Variants in CR2 observed in about 807,000 individuals in gnomAD.
CR2 encodes the protein complement receptor type 2.
In CR2, 96 loss-of-function variants were observed where a neutral mutation model predicts 123.0. That is an observed-to-expected ratio of 0.78 (90% CI 0.66 to 0.93). The LOEUF (loss-of-function observed/expected upper bound fraction) is 0.93. Among genes scored for constraint, CR2 ranks in the 40% least tolerant of loss-of-function variants. The probability of loss-of-function intolerance (pLI) is 0.00; values close to 1 mark genes in which losing one functional copy is unlikely to be tolerated. For synonymous variants in CR2, 484 were observed against 469.5 expected, an observed-to-expected ratio of 1.03 and a Z score of -0.40; for missense variants, 1,258 against 1,361.0, an observed-to-expected ratio of 0.92 and a Z score of 1.19.
At position 207,469,207 on chromosome 1, in the gene CR2, T is replaced by C; in HGVS notation, c.792T>C (p.Ala264=). The C allele has an allele frequency of 6.2e-7, 1 of 1,613,912 alleles. No individual in the cohort carries two copies. Among genetic ancestry groups the C allele is most frequent in the Non-Finnish European group, 8.5e-7 (1 of 1,179,828 alleles). ...GTGTAATTGCTGGACAGGGAGTTGC[T>C]TGGACCAAAATGCCAGTATGTGAAG... The part of the protein sequence containing the change: ...SRCVIAGQGV[A]WTKMPVCEEI... The change falls in exon 5 of 20, where the codon GCT becomes GCC. Residue 264 remains alanine (A), a synonymous_variant. Coordinates refer to ENST00000367057, the MANE Select transcript of CR2 (RefSeq NM_001006658.3).
chr1:207,455,797 A>C (rs1657818267), intron 1 of CR2, among the ~76,000 whole-genome samples: 1 of 152,264 alleles, frequency 6.6e-6, no homozygotes, highest in African/African-American at 2.4e-5. Flanking sequence ...ATTCTTCACC[A>C]GTCCTGCCAA....
At chr1:207,470,645 T>A (rs1658243644) in intron 6 of CR2, 95 bp from the exon 7 acceptor site, 2 of 1,218,598 alleles carry the variant, frequency 1.6e-6, no homozygotes, top group South Asian at 2.5e-5. Flanking sequence ...GACGCCAGAG[T>A]GGAATTATAG....
rs750238787 is a variant in CR2, at chr1:207,454,457, C to CG, written c.40dup (p.Val14GlyfsTer22). ...GCCTGCTCGGGGTTTTCTTGGCTCT[C>CG]GTCGCACCGGGGGTCCTCGGTGAGC... On this transcript the variant is annotated frameshift_variant, in exon 1 of 20. Transcript: ENST00000367057. LOFTEE classifies it high-confidence loss of function. This position sits in a 1 kb window ranked among gnomAD's most constrained non-coding sequence, Gnocchi z 4.3. 1 of 1,579,654 alleles carries CG rather than the reference C, an allele frequency of 6.3e-7. No homozygotes were observed. Among genetic ancestry groups the CG allele is most frequent in the Non-Finnish European group, 8.6e-7 (1 of 1,168,916 alleles).
rs751574877 is a variant in CR2, at chr1:207,466,734, T to G, written c.267T>G (p.Ser89=). ...APKCEYFNKY[S]SCPEPIVPGG... ...AATGTGAATATTTCAATAAATATTC[T>G]TCTTGCCCTGAGCCCATAGTACCAG... The change falls in exon 2 of 20, where the codon TCT becomes TCG. Residue 89 remains serine, a synonymous_variant. Coordinates refer to ENST00000367057, the MANE Select transcript of CR2 (RefSeq NM_001006658.3). The G allele has an allele frequency of 7.4e-6, 12 of 1,613,960 alleles. No homozygotes were observed. The East Asian group carries it at 1.8e-4, about 24-fold the overall frequency.
chr1:207,454,498 G>T lies in CR2; in HGVS notation c.58+22G>T. 6.6e-7 allele frequency: 1 copy of T among 1,518,180 alleles called. No homozygotes were observed. The highest frequency in any genetic ancestry group is 8.9e-7 in the Non-Finnish European group (1 of 1,129,022). 94.0% of individuals were successfully genotyped at this position (1,518,180 alleles called of 1,614,324 possible). A position where few individuals can be genotyped will look rare whatever the true frequency, so the allele number is the denominator to read the frequency against. On this transcript the variant is annotated intron_variant, in intron 1 of 19. Transcript: ENST00000367057. The surrounding 1 kb of genome is among the most constrained non-coding windows in gnomAD (Gnocchi z 4.3). Reference sequence around the variant, plus strand: ...CTCGGTGAGCTGGGAGGGGGAGCACGGAGGTGGGGACGCGTCCCGGGCAGG... The same window carrying T: ...CTCGGTGAGCTGGGAGGGGGAGCACTGAGGTGGGGACGCGTCCCGGGCAGG...
rs1217284402 is a variant in CR2, at chr1:207,469,951, A to G, written c.1074A>G (p.Arg358=). Residue 358 remains arginine (R), a synonymous_variant, in exon 6 of 20, where the codon AGA becomes AGG. Coordinates refer to ENST00000367057, the MANE Select transcript of CR2 (RefSeq NM_001006658.3). ...AVQCPHPQIL[R]GRMVSGQKDR... is the part of the protein sequence containing the mutation. ...AGTGTCCACATCCCCAGATCCTAAGAGGCCGAATGGTATCTGGGCAGAAAG... is the reference window on the plus strand; with the variant it reads ...AGTGTCCACATCCCCAGATCCTAAGGGGCCGAATGGTATCTGGGCAGAAAG... 2 of 1,613,960 alleles carry G rather than the reference A, an allele frequency of 1.2e-6. No homozygotes were observed.
At chr1:207,482,485 C>G (rs145927056) in intron 18 of CR2, among the ~76,000 whole-genome samples, 1 of 151,950 alleles carries the variant, frequency 6.6e-6, no homozygotes, top group Admixed American at 6.6e-5. Context: ...GAGGAATGAC[C>G]ACGTCCATCC....
chr1:207,476,224 G>T lies in CR2; in HGVS notation c.2717-10G>T. Reference sequence around the variant, plus strand: ...GCTGAGTTAAAGACCCTTTCTTATTGGTGTCTAAGCCTTCATAGGGTGTCC... The same window carrying T: ...GCTGAGTTAAAGACCCTTTCTTATTTGTGTCTAAGCCTTCATAGGGTGTCC... On this transcript the variant is annotated splice_polypyrimidine_tract_variant and intron_variant, in intron 14 of 19. Coordinates refer to ENST00000367057, the MANE Select transcript of CR2 (RefSeq NM_001006658.3). 6.2e-7 allele frequency: 1 copy of T among 1,612,860 alleles called. No homozygotes were observed. Among genetic ancestry groups the T allele is most frequent in the South Asian group, 1.1e-5 (1 of 91,008 alleles).
Position 207,477,991 on chromosome 1 carries a change from G to T in CR2, c.3009G>T (p.Gly1003=). 1 of 1,613,982 alleles carries T rather than the reference G, an allele frequency of 6.2e-7. No homozygotes were observed. The part of the protein sequence containing the change: ...GAVVTLECED[G]YMLEGSPQSQ... ...TTGTAACTCTGGAGTGTGAAGATGGGTATATGCTGGAAGGCAGTCCCCAGA... is the reference window on the plus strand; with the variant it reads ...TTGTAACTCTGGAGTGTGAAGATGGTTATATGCTGGAAGGCAGTCCCCAGA... The change falls in exon 16 of 20, where the codon GGG becomes GGT. Residue 1003 remains glycine (G), a synonymous_variant. Transcript: ENST00000367057.
rs1446494981 is a variant in CR2, at chr1:207,485,471, TATACAG to T, written c.3202_3207del (p.Asp1068_Thr1069del). 1 of 1,600,306 alleles carries T rather than the reference TATACAG, an allele frequency of 6.2e-7. No individual in the cohort carries two copies. The highest frequency in any genetic ancestry group is 1.3e-5 in the African/African-American group (1 of 74,620). ...CTTTCTTCTTCTGTTTAGCAATTAT[TATACAG>T]ATACAAGCCAGAAAGAAGCTTTTCA... On this transcript the variant is annotated inframe_deletion, in exon 19 of 20. Transcript: ENST00000367057.
At chr1:207,469,666 C>A (rs769940431) in intron 5 of CR2, 29 bp from the exon 6 acceptor site, 1 of 1,605,954 alleles carries the variant, frequency 6.2e-7, no homozygotes, top group Non-Finnish European at 8.5e-7. Flanking sequence ...CACCTATGAT[C>A]TTGTCATTTC....
At chr1:207,483,423 T>C (rs1271448828) in intron 18 of CR2, among the ~76,000 whole-genome samples, 1 of 152,142 alleles carries the variant, frequency 6.6e-6, no homozygotes, top group African/African-American at 2.4e-5. Context: ...GGGTTCTGGC[T>C]GTCCTGTACA....
At chr1:207,458,154 C>G (rs915543400) in intron 1 of CR2, among the ~76,000 whole-genome samples, 1 of 149,948 alleles carries the variant, frequency 6.7e-6, no homozygotes, top group Admixed American at 6.6e-5. Context: ...ATTGTGTAGC[C>G]CAAGTCAGAA....
intron 14 of CR2, among the ~76,000 whole-genome samples, chr1:207,475,595 G>A (rs1658414818): frequency 1.3e-5 from 2 of 152,194 alleles, no homozygotes; most frequent in African/African-American, 2.4e-5. Flanking sequence ...AACTTTGGGT[G>A]TTCTGGAGAA....
chr1:207,485,090 G>A (rs987531595), intron 18 of CR2, among the ~76,000 whole-genome samples: 2 of 152,082 alleles, frequency 1.3e-5, no homozygotes, highest in Non-Finnish European at 2.9e-5. Context: ...AATCATCACA[G>A]AAAACCAAAC....
intron 1 of CR2, among the ~76,000 whole-genome samples, chr1:207,459,059 A>G (rs1344147508): frequency 6.6e-6 from 1 of 152,236 alleles, no homozygotes; most frequent in African/African-American, 2.4e-5. Context: ...GTAAAAGAAG[A>G]CAAAGGTTTT....
chr1:207,460,964 C>T (rs993901809), intron 1 of CR2, among the ~76,000 whole-genome samples: 2 of 152,038 alleles, frequency 1.3e-5, no homozygotes, highest in African/African-American at 4.8e-5. Flanking sequence ...TATGTAAATT[C>T]ATTAAAGTAA....
intron 16 of CR2, 82 bp downstream of exon 16, chr1:207,478,152 C>T: frequency 7.0e-7 from 1 of 1,426,112 alleles, no homozygotes; most frequent in South Asian, 1.2e-5. Context: ...GTGGAGAGTC[C>T]TGGGTTTTAA....
chr1:207,478,200 G>A, intron 16 of CR2, 130 bp downstream of exon 16: 1 of 1,002,828 alleles, frequency 1.0e-6, no homozygotes, highest in Non-Finnish European at 1.5e-6. Flanking sequence ...TAATTACAGA[G>A]GAACTTGAAG....
Sources: allele counts gnomAD v4.1 joint callset (sites outside exome capture counted in the v4.1 genomes callset), GRCh38; gene constraint gnomAD v4.1.1; non-coding constraint Gnocchi (gnomAD v3.1); transcripts MANE v1.5; gene names NCBI Gene and HGNC (gene_info 2026-07-23, HGNC 2026-07-21).